DNM2: variants seen among roughly 807,000 people sequenced by gnomAD.
The protein encoded by DNM2 is dynamin 2.
In DNM2, 15 loss-of-function variants were observed where a neutral mutation model predicts 99.0. The observed-to-expected ratio is 0.15, with a 90% CI of 0.10 to 0.23. The LOEUF (loss-of-function observed/expected upper bound fraction) is 0.23, where lower values mean the gene tolerates loss of function less well. Among genes scored for constraint, DNM2 ranks in the 10% least tolerant of loss-of-function variants. The probability of loss-of-function intolerance (pLI) is 1.00; values close to 1 mark genes in which losing one functional copy is unlikely to be tolerated. For synonymous variants in DNM2, 525 were observed against 481.2 expected (o/e 1.09, Z -1.19); for missense variants, 742 against 1,189.4 (o/e 0.62, Z 5.53).
chr19:10,760,827 A>ATTTTTTT lies in DNM2; in HGVS notation c.235+1027_235+1033dup, dbSNP rs57290103. Among the ~76,000 whole-genome samples, 6 of 41,268 alleles carry ATTTTTTT rather than the reference A, an allele frequency of 1.5e-4. 1 individual carries two copies. The East Asian group carries it at 3.3e-3, about 23-fold the overall frequency. 27.1% of individuals were successfully genotyped at this position (41,268 alleles called of 152,430 possible). ...GTGCACACACCACCACACCCAGCTG[A>ATTTTTTT]TTTTTTTTTTTTTTTTTGGTAGAGA... On this transcript the variant is annotated intron_variant, in intron 2 of 20. Coordinates refer to ENST00000389253, the MANE Select transcript of DNM2 (RefSeq NM_001005361.3).
In DNM2 at chr19:10,772,393, C is replaced by A. The variant is rs2071012183; in HGVS notation, c.236-86C>A. ...TGTGCCCAGCCTGGGTCATTACTTT[C>A]ATTCAACAAAGCATTTCTCCCCGCA... On this transcript the variant is annotated intron_variant, in intron 2 of 20. Coordinates refer to ENST00000389253, the MANE Select transcript of DNM2 (RefSeq NM_001005361.3). This position sits in a 1 kb window ranked among gnomAD's most constrained non-coding sequence, Gnocchi z 4.9. 6 of 1,575,746 alleles carry A rather than the reference C, an allele frequency of 3.8e-6. No individual in the cohort carries two copies. Among genetic ancestry groups the A allele is most frequent in the South Asian group, 3.3e-5 (3 of 90,002 alleles).
chr19:10,815,611 G>A (rs1281933418), intron 15 of DNM2, among the ~76,000 whole-genome samples: 2 of 152,172 alleles, frequency 1.3e-5, no homozygotes, highest in Non-Finnish European at 2.9e-5. Flanking sequence ...CCTACCCCCA[G>A]TGCACAGAGG....
At chr19:10,786,344 T>G in intron 6 of DNM2, 1 of 717,430 alleles carries the variant, frequency 1.4e-6, no homozygotes, top group African/African-American at 1.7e-5. Context: ...CGTGGGCTGT[T>G]TGTAGCCTCT....
chr19:10,759,869 G>T, intron 2 of DNM2, 58 bp downstream of exon 2: 2 of 1,608,532 alleles, frequency 1.2e-6, no homozygotes, highest in Non-Finnish European at 1.7e-6. Flanking sequence ...TGGTTGCCAG[G>T]AGTTGCTGGG....
rs908964509 is a variant in DNM2, at chr19:10,764,904, G to A, written c.235+5093G>A. On this transcript the variant is annotated intron_variant, in intron 2 of 20. Coordinates refer to ENST00000389253, the MANE Select transcript of DNM2 (RefSeq NM_001005361.3). This position sits in a 1 kb window ranked among gnomAD's most constrained non-coding sequence, Gnocchi z 4.1. ...GCTCACCCGCACCTGGTCACTTGCC[G>A]CCTTCGTTCCCCGGTCCCCGGCAGC... 2.0e-5 allele frequency among the ~76,000 whole-genome samples: 3 copies of A among 151,702 alleles called. No homozygotes were observed. The highest frequency in any genetic ancestry group is 7.3e-5 in the African/African-American group (3 of 41,220).
intron 11 of DNM2, 57 bp downstream of exon 11, chr19:10,798,629 G>T: frequency 1.9e-6 from 3 of 1,595,628 alleles, no homozygotes; most frequent in Non-Finnish European, 2.6e-6. Context: ...AATGTCAAGT[G>T]TACTGTTCTG....
Position 10,831,850 on chromosome 19 carries a change from C to T in DNM2, c.*803C>T. 1 of 1,008,050 alleles carries T rather than the reference C, an allele frequency of 9.9e-7. No individual in the cohort carries two copies. Among genetic ancestry groups the T allele is most frequent in the Non-Finnish European group, 1.2e-6 (1 of 843,518 alleles). The allele number at this position is 1,008,050 out of a possible 1,614,324, so 62.4% of individuals were successfully genotyped here. A position where few individuals can be genotyped will look rare whatever the true frequency, so the allele number is the denominator to read the frequency against. ...TCGCTCAGTTTGACCACTGTAAGTG[C>T]CTGCACTCTGTATTCTATTAATAAA... On this transcript the variant is annotated 3_prime_UTR_variant, in exon 21 of 21. Coordinates refer to ENST00000389253, the MANE Select transcript of DNM2 (RefSeq NM_001005361.3). The surrounding 1 kb of genome is among the most constrained non-coding windows in gnomAD (Gnocchi z 4.3).
chr19:10,721,732 G>A (rs1441716097), intron 1 of DNM2, among the ~76,000 whole-genome samples: 2 of 152,182 alleles, frequency 1.3e-5, no homozygotes, highest in East Asian at 1.9e-4. Flanking sequence ...GATGTGGTCC[G>A]AGTGGGAACA....
intron 12 of DNM2, chr19:10,802,653 C>G (rs2072194199): frequency 2.1e-6 from 1 of 477,672 alleles, no homozygotes; most frequent in East Asian, 4.0e-5. Flanking sequence ...TGCTGCACCC[C>G]CTCTCCTTCA....
intron 15 of DNM2, 123 bp from the exon 16 acceptor site, chr19:10,819,857 C>G (rs927507925): frequency 3.2e-4 from 277 of 870,478 alleles, no homozygotes; most frequent in Non-Finnish European, 4.0e-4. Flanking sequence ...GGCTCATATA[C>G]AGCAGCGACC....
Position 10,830,673 on chromosome 19 carries a change from A to C in DNM2, c.2543+295A>C, listed in dbSNP as rs1599642421. The C allele has an allele frequency of 1.7e-6, 1 of 576,258 alleles. No homozygotes were observed. The highest frequency in any genetic ancestry group is 1.9e-5 in the African/African-American group (1 of 53,172). 35.7% of individuals were successfully genotyped at this position (576,258 alleles called of 1,614,324 possible). On this transcript the variant is annotated intron_variant, in intron 20 of 20. Transcript: ENST00000389253. This position sits in a 1 kb window ranked among gnomAD's most constrained non-coding sequence, Gnocchi z 4.8. ...CACTGGGCACCTCCTCCCACTGTTT[A>C]CCTTCTTCTCCTTCCTGCTCCTGCC...
intron 1 of DNM2, among the ~76,000 whole-genome samples, chr19:10,751,122 G>T (rs1247524233): frequency 1.3e-5 from 2 of 152,012 alleles, no homozygotes; most frequent in Non-Finnish European, 2.9e-5. Flanking sequence ...AATGAGGCAT[G>T]GGGGGTGGAG....
chr19:10,722,025 T>C (rs193106101), intron 1 of DNM2, among the ~76,000 whole-genome samples: 3 of 152,270 alleles, frequency 2.0e-5, no homozygotes, highest in Admixed American at 1.3e-4. Flanking sequence ...TCAGATTCCT[T>C]TTCTGTAAGC....
chr19:10,814,203 G>A (rs142858424), intron 15 of DNM2, among the ~76,000 whole-genome samples: 207 of 152,022 alleles, frequency 1.4e-3, no homozygotes, highest in Non-Finnish European at 2.5e-3. Context: ...AGTGGCTCAC[G>A]CCATTAATCC....
At chr19:10,787,362 T>A (rs1157348955) in intron 7 of DNM2, among the ~76,000 whole-genome samples, 4 of 142,718 alleles carry the variant, frequency 2.8e-5, no homozygotes, top group East Asian at 2.1e-4. Context: ...TCCCAGCTAC[T>A]TGGGAGGCTG....
rs549993421 is a variant in DNM2 at position 10,816,622 on chromosome 19, A to G, written c.1672-3358A>G. On this transcript the variant is annotated intron_variant, in intron 15 of 20. Transcript: ENST00000389253. The surrounding 1 kb of genome is among the most constrained non-coding windows in gnomAD (Gnocchi z 4.6). ...TCTCCCCTCTTTCCGCCTTGCAGTG[A>G]GAAACCAGCCTGCGCTGTGGTGTGT... is the stretch of plus-strand genomic sequence containing the variant. Among the ~76,000 whole-genome samples the G allele has an allele frequency of 6.6e-6, 1 of 152,212 alleles. No individual in the cohort carries two copies. The highest frequency in any genetic ancestry group is 2.1e-4 in the South Asian group (1 of 4,824).
Position 10,825,155 on chromosome 19 carries a change from G to C in DNM2, c.1992G>C (p.Val664=). 6.2e-7 allele frequency: 1 copy of C among 1,614,212 alleles called. No individual in the cohort carries two copies. Among genetic ancestry groups the C allele is most frequent in the African/African-American group, 1.3e-5 (1 of 75,052 alleles). Residue 664 remains valine (V), a synonymous_variant, in exon 18 of 21, where the codon GTG becomes GTC. Coordinates refer to ENST00000389253, the MANE Select transcript of DNM2 (RefSeq NM_001005361.3). The part of the protein sequence containing the change: ...ETIRNLVDSY[V]AIINKSIRDL... ...TTCGCAACCTGGTGGACTCATACGT[G>C]GCCATCATCAACAAGTCCATCCGCG...
intron 15 of DNM2, among the ~76,000 whole-genome samples, chr19:10,815,802 G>GC (rs972671928): frequency 2.0e-5 from 3 of 152,142 alleles, no homozygotes; most frequent in African/African-American, 7.2e-5. Context: ...CTGTAGGAGT[G>GC]CCCCCCACTG....
chr19:10,819,833 A>C, intron 15 of DNM2, 147 bp from the exon 16 acceptor site: 7 of 745,260 alleles, frequency 9.4e-6, no homozygotes, highest in Non-Finnish European at 1.4e-5. Context: ...CGGACGGGGA[A>C]GGGCCGGCAG....
Sources: gnomAD v4.1 joint callset for allele counts (sites outside exome capture counted in the v4.1 genomes callset) on GRCh38, gnomAD v4.1.1 for gene constraint, Gnocchi (gnomAD v3.1) non-coding constraint, MANE v1.5 for transcripts, NCBI Gene and HGNC (gene_info 2026-07-23, HGNC 2026-07-21) for gene names.